Variants in CA13 observed in about 807,000 individuals in gnomAD.
CA13 encodes the protein CA-XIII.
Under a neutral mutation model 31.5 loss-of-function variants are expected in CA13, and 21 were observed. The ratio of observed to expected loss-of-function variants is 0.67; its 90% CI spans 0.47 to 0.96. The LOEUF (loss-of-function observed/expected upper bound fraction) is 0.96. Among genes scored for constraint, CA13 ranks in the 40% least tolerant of loss-of-function variants. The pLI, the probability that CA13 is intolerant of heterozygous loss-of-function variation, is 0.00. For synonymous variants in CA13, 117 were observed against 111.4 expected (o/e 1.05, Z -0.32); for missense variants, 315 against 318.9 (o/e 0.99, Z 0.09).
Position 85,281,198 on chromosome 8 carries a change from A to G in CA13, c.670-32A>G, listed in dbSNP as rs750282407. Reference sequence around the variant, plus strand: ...TTCATTAATATTGGTGGGAATTTCTATGCTGAAGCTAACTCTTTTCTTCTT... The same window carrying G: ...TTCATTAATATTGGTGGGAATTTCTGTGCTGAAGCTAACTCTTTTCTTCTT... On this transcript the variant is annotated intron_variant, in intron 6 of 6. Coordinates refer to ENST00000321764, the MANE Select transcript of CA13 (RefSeq NM_198584.3). The G allele has an allele frequency of 3.1e-6, 5 of 1,603,114 alleles. No individual in the cohort carries two copies. The South Asian group carries it at 4.4e-5, about 14-fold the overall frequency.
intron 5 of CA13, 35 bp from the exon 6 acceptor site, chr8:85,268,437 A>G (rs1257270012): frequency 6.2e-7 from 1 of 1,609,534 alleles, no homozygotes; most frequent in Non-Finnish European, 8.5e-7. Context: ...GAGCTATCCC[A>G]TTGTAATTTG....
chr8:85,272,471 G>A (rs1382948952), intron 6 of CA13, among the ~76,000 whole-genome samples: 1 of 152,074 alleles, frequency 6.6e-6, no homozygotes, highest in East Asian at 1.9e-4. Context: ...GGCTGGGCTG[G>A]TCTTGAACTC....
intron 1 of CA13, chr8:85,249,900 A>G: frequency 2.4e-6 from 1 of 424,534 alleles, no homozygotes; most frequent in South Asian, 1.7e-5. Context: ...GAGGATTGAA[A>G]AGGGAACTGT....
chr8:85,260,336 T>A (rs939041736), intron 3 of CA13, among the ~76,000 whole-genome samples: 1 of 152,232 alleles, frequency 6.6e-6, no homozygotes, highest in African/African-American at 2.4e-5. Flanking sequence ...ATTATATGAC[T>A]CAATCAATAC....
intron 2 of CA13, among the ~76,000 whole-genome samples, chr8:85,251,268 C>T (rs1203448377): frequency 6.6e-6 from 1 of 152,180 alleles, no homozygotes; most frequent in African/African-American, 2.4e-5. Flanking sequence ...TCCCAAAGTG[C>T]TGGGATTACA....
intron 3 of CA13, among the ~76,000 whole-genome samples, chr8:85,260,606 A>G (rs1478324575): frequency 2.0e-5 from 3 of 152,222 alleles, no homozygotes; most frequent in African/African-American, 7.2e-5. Flanking sequence ...TTTGAGGCCA[A>G]GTAGCTTTAG....
chr8:85,262,311 A>G (rs1807395551), intron 3 of CA13, among the ~76,000 whole-genome samples: 1 of 152,162 alleles, frequency 6.6e-6, no homozygotes, highest in African/African-American at 2.4e-5. Context: ...AGGTCAGAAA[A>G]TGCTGCCCTG....
intron 2 of CA13, 115 bp downstream of exon 2, chr8:85,251,052 A>T (rs1813819497): frequency 1.1e-6 from 1 of 891,112 alleles, no homozygotes. Context: ...GCCAGGCTGA[A>T]GTGTAGTGGC....
intron 6 of CA13, 88 bp downstream of exon 6, chr8:85,268,715 A>G (rs2006767): frequency 0.63 from 691,176 of 1,105,160 alleles, 220,820 homozygotes; most frequent in Non-Finnish European, 0.64. Flanking sequence ...CTTAATTTCT[A>G]CTGTGTTTTG....
intron 6 of CA13, among the ~76,000 whole-genome samples, chr8:85,278,251 G>A (rs1158512651): frequency 8.6e-6 from 1 of 116,438 alleles, no homozygotes; most frequent in Non-Finnish European, 1.6e-5. Context: ...GGGTGACAGA[G>A]CAAGACTCTA....
At chr8:85,247,603 T>C (rs985038182) in intron 1 of CA13, among the ~76,000 whole-genome samples, 3 of 152,132 alleles carry the variant, frequency 2.0e-5, no homozygotes, top group African/African-American at 7.2e-5. Context: ...TGAGTCTTGC[T>C]CTGTTGCCCA....
At chr8:85,267,282 G>T (rs756631871) in intron 4 of CA13, 9 of 985,746 alleles carry the variant, frequency 9.1e-6, no homozygotes, top group Non-Finnish European at 1.1e-5. Context: ...AATGCTTCAC[G>T]GATGGCAACA....
At chr8:85,252,873 A>T (rs997076739) in intron 2 of CA13, among the ~76,000 whole-genome samples, 5 of 152,166 alleles carry the variant, frequency 3.3e-5, no homozygotes, top group Non-Finnish European at 5.9e-5. Context: ...CCTTATTGTT[A>T]GCAAAAATTA....
intron 1 of CA13, among the ~76,000 whole-genome samples, chr8:85,249,178 A>G (rs1482723968): frequency 1.3e-5 from 2 of 152,200 alleles, no homozygotes; most frequent in Non-Finnish European, 2.9e-5. Context: ...CTCTTTTGCA[A>G]AAATGAGGCA....
At chr8:85,249,235 A>T (rs1813784634) in intron 1 of CA13, among the ~76,000 whole-genome samples, 1 of 152,240 alleles carries the variant, frequency 6.6e-6, no homozygotes, top group Non-Finnish European at 1.5e-5. Context: ...GTGGTGGCTC[A>T]TGCCTGTAAT....
intron 6 of CA13, 29 bp downstream of exon 6, chr8:85,268,656 A>AGGAAC (rs762080639): frequency 6.2e-6 from 9 of 1,445,982 alleles, no homozygotes; most frequent in Non-Finnish European, 8.5e-6. Context: ...GTTGATACTG[A>AGGAAC]TTCCCTCAGA....
Position 85,245,669 on chromosome 8 carries a change from A to T in CA13, c.-160A>T. The T allele has an allele frequency of 1.3e-6, 1 of 752,780 alleles. No individual in the cohort carries two copies. Among genetic ancestry groups the T allele is most frequent in the South Asian group, 1.6e-5 (1 of 61,116 alleles). 46.6% of individuals were successfully genotyped at this position (752,780 alleles called of 1,614,324 possible). ...CCCGCACGCCTCTGCCGTCTGGAGGACGCAGGCGGGAGCGCCCCGGACCGG... is the reference window on the plus strand; with the variant it reads ...CCCGCACGCCTCTGCCGTCTGGAGGTCGCAGGCGGGAGCGCCCCGGACCGG... On this transcript the variant is annotated 5_prime_UTR_variant, in exon 1 of 7. Transcript: ENST00000321764.
In CA13 at chr8:85,255,201, G is replaced by A. The variant is rs542601924; in HGVS notation, c.236-4220G>A. Among the ~76,000 whole-genome samples, 286 of 151,430 alleles carry A rather than the reference G, an allele frequency of 1.9e-3. 2 individuals are homozygous for A. Among genetic ancestry groups the A allele is most frequent in the Non-Finnish European group, 3.5e-3 (238 of 67,916 alleles). On this transcript the variant is annotated intron_variant, in intron 2 of 6. Coordinates refer to ENST00000321764, the MANE Select transcript of CA13 (RefSeq NM_198584.3). Reference sequence around the variant, plus strand: ...GCCCAGCCATAACTCATTGAAGCCCGGAACTCCTGGGCTCAAGTGCTTCTC... The same window carrying A: ...GCCCAGCCATAACTCATTGAAGCCCAGAACTCCTGGGCTCAAGTGCTTCTC...
chr8:85,251,116 C>T (rs937508460), intron 2 of CA13, among the ~76,000 whole-genome samples, 179 bp downstream of exon 2: 10 of 151,858 alleles, frequency 6.6e-5, no homozygotes, highest in African/African-American at 2.4e-4. Context: ...ATTCTCCTGC[C>T]TCAGCCTCCC....
Sources: allele counts gnomAD v4.1 joint callset (sites outside exome capture counted in the v4.1 genomes callset), GRCh38; gene constraint gnomAD v4.1.1; transcripts MANE v1.5; gene names NCBI Gene and HGNC (gene_info 2026-07-23, HGNC 2026-07-21).